The following CHD6 variants were observed in gnomAD, a reference collection of about 807,000 sequenced individuals.
The protein encoded by CHD6 is chromodomain helicase DNA binding protein 6.
Under a neutral mutation model 276.9 loss-of-function variants are expected in CHD6, and 50 were observed. That is an observed-to-expected ratio of 0.18 (90% confidence interval 0.14 to 0.23). The LOEUF is 0.23. CHD6 is among the 10% of genes least tolerant of loss of function. The pLI is 1.00. For synonymous variants in CHD6, 1,173 were observed against 1,229.3 expected, an observed-to-expected ratio of 0.95 and a Z score of 0.96; for missense variants, 2,564 against 3,365.8, an observed-to-expected ratio of 0.76 and a Z score of 5.89.
intron 5 of CHD6, among the ~76,000 whole-genome samples, chr20:41,508,460 C>T (rs556324379): frequency 6.5e-4 from 99 of 152,168 alleles, no homozygotes; most frequent in African/African-American, 2.0e-3. Context: ...TCCTGGTATC[C>T]GACTGGGGAG....
At chr20:41,595,773 G>T (rs375888939) in intron 1 of CHD6, among the ~76,000 whole-genome samples, 1 of 151,686 alleles carries the variant, frequency 6.6e-6, no homozygotes, top group African/African-American at 2.4e-5. Context: ...TTGGACCAAA[G>T]AACCCACCCT....
chr20:41,572,357 G>C lies in CHD6; in HGVS notation c.-23-20997C>G, dbSNP rs372367683. Among the ~76,000 whole-genome samples, 126 of 152,298 alleles carry C rather than the reference G, an allele frequency of 8.3e-4. 1 individual carries two copies. The highest frequency in any genetic ancestry group is 2.9e-3 in the African/African-American group (121 of 41,548). ...GCCTACCACATGCACAAAGCACAAA[G>C]CACATGGTCCCTCAGTGACACCAGG... On this transcript the variant is annotated intron_variant, in intron 1 of 36. Transcript: ENST00000373233.
intron 28 of CHD6, among the ~76,000 whole-genome samples, chr20:41,425,837 C>T (rs2047346003): frequency 6.6e-6 from 1 of 151,934 alleles, no homozygotes; most frequent in Non-Finnish European, 1.5e-5. Context: ...ATCACAATTC[C>T]TTTTTACCTC....
At chr20:41,614,664 A>C (rs1320131650) in intron 1 of CHD6, 1 of 152,246 alleles carries the variant, frequency 6.6e-6, no homozygotes, top group East Asian at 1.9e-4. Flanking sequence ...TTAGTTCAGA[A>C]ACAGGGACAA....
chr20:41,512,262 G>A (rs1458974654), intron 5 of CHD6, among the ~76,000 whole-genome samples: 4 of 151,824 alleles, frequency 2.6e-5, no homozygotes, highest in Non-Finnish European at 4.4e-5. Flanking sequence ...CACAATGCCC[G>A]GCCAAGACTT....
At chr20:41,611,338 A>G (rs1009653558) in intron 1 of CHD6, among the ~76,000 whole-genome samples, 4 of 152,214 alleles carry the variant, frequency 2.6e-5, no homozygotes, top group African/African-American at 9.7e-5. Context: ...CTGGCCATGT[A>G]TGGCTATTTA....
chr20:41,617,930 T>C (rs1003043167), intron 1 of CHD6, among the ~76,000 whole-genome samples: 1 of 140,488 alleles, frequency 7.1e-6, no homozygotes, highest in Non-Finnish European at 1.6e-5. Context: ...GGCCCGGGGG[T>C]CCCACCGCGC....
chr20:41,504,403 CTTT>C (rs200549678), intron 5 of CHD6, among the ~76,000 whole-genome samples: 2 of 109,968 alleles, frequency 1.8e-5, no homozygotes, highest in African/African-American at 3.5e-5. Context: ...CCTCTATTTT[CTTT>C]TTTTTTTTTT....
At chr20:41,605,957 A>G (rs1392434857) in intron 1 of CHD6, among the ~76,000 whole-genome samples, 2 of 152,258 alleles carry the variant, frequency 1.3e-5, no homozygotes, top group African/African-American at 2.4e-5. Flanking sequence ...TTCAAGGTAC[A>G]AAGAATGGGC....
rs2047168216 is a variant in CHD6 at position 41,420,923 on chromosome 20, C to G, written c.5712G>C (p.Lys1904Asn). ...TEPTTNISRE[K>N]NQGFQDETKK... Reference sequence around the variant, plus strand: ...TGGTTTCATCTTGGAAGCCTTGGTTCTTTTCCCTTGAGATGTTAGTAGTGG... The same window carrying G: ...TGGTTTCATCTTGGAAGCCTTGGTTGTTTTCCCTTGAGATGTTAGTAGTGG... The change falls in exon 31 of 37, where the codon AAG becomes AAC. Residue 1904 changes from lysine (K) to asparagine (N), a missense_variant. Lys to Asn is a moderately conservative substitution (Grantham distance 94). Coordinates refer to ENST00000373233, the MANE Select transcript of CHD6 (RefSeq NM_032221.5). 6.2e-7 allele frequency: 1 copy of G among 1,614,186 alleles called. No individual in the cohort carries two copies. The highest frequency in any genetic ancestry group is 8.5e-7 in the Non-Finnish European group (1 of 1,180,034).
At position 41,547,906 on chromosome 20, in the gene CHD6, T is replaced by C. The variant is rs577890396; in HGVS notation, c.33+3399A>G. ...ATGGATGGCATCAACAGTGTTGTGG[T>C]GGAATGCCCAACTAGTTAAGAAGCA... On this transcript the variant is annotated intron_variant, in intron 2 of 36. Transcript: ENST00000373233. The C allele has an allele frequency of 2.1e-5, 6 of 290,412 alleles. No homozygotes were observed. In the East Asian group the frequency reaches 3.3e-4, roughly 16 times the overall value. The allele number at this position is 290,412 out of a possible 1,614,324, so 18.0% of individuals were successfully genotyped here. A position where few individuals can be genotyped will look rare whatever the true frequency, so the allele number is the denominator to read the frequency against.
At position 41,452,139 on chromosome 20, in the gene CHD6, T is replaced by C; in HGVS notation, c.3324-114A>G. 1.2e-6 allele frequency: 1 copy of C among 802,600 alleles called. No homozygotes were observed. Among genetic ancestry groups the C allele is most frequent in the South Asian group, 1.6e-5 (1 of 62,488 alleles). 49.7% of individuals were successfully genotyped at this position (802,600 alleles called of 1,614,324 possible). ...ACATGCTTTTTGTTCTCTGTAGGTC[T>C]GTTAATCATCCCAAGGGCTTTGTCC... On this transcript the variant is annotated intron_variant, in intron 21 of 36. Transcript: ENST00000373233. The surrounding 1 kb of genome is among the most constrained non-coding windows in gnomAD (Gnocchi z 4.2).
intron 2 of CHD6, among the ~76,000 whole-genome samples, chr20:41,538,929 C>G (rs1004543243): frequency 2.0e-5 from 3 of 152,176 alleles, no homozygotes; most frequent in Non-Finnish European, 4.4e-5. Flanking sequence ...ACAACTGCCT[C>G]CTGGTGACCA....
At chr20:41,502,978 C>G (rs923247830) in intron 5 of CHD6, among the ~76,000 whole-genome samples, 14 of 152,174 alleles carry the variant, frequency 9.2e-5, no homozygotes, top group South Asian at 2.1e-4. Flanking sequence ...GCACTCCAGC[C>G]TGGGCGACAG....
chr20:41,510,135 C>A (rs1284778763), intron 5 of CHD6, among the ~76,000 whole-genome samples: 1 of 152,166 alleles, frequency 6.6e-6, no homozygotes, highest in South Asian at 2.1e-4. Context: ...ACCCAGAGGG[C>A]CCCGGGAGAA....
At chr20:41,548,651 A>C (rs1020058923) in intron 2 of CHD6, among the ~76,000 whole-genome samples, 72 of 152,296 alleles carry the variant, frequency 4.7e-4, no homozygotes, top group Middle Eastern at 3.4e-3. Context: ...AATGGGATCT[A>C]ATTAAACTAA....
chr20:41,418,443 G>A (rs1432951644), intron 31 of CHD6, among the ~76,000 whole-genome samples: 1 of 152,114 alleles, frequency 6.6e-6, no homozygotes, highest in Non-Finnish European at 1.5e-5. Flanking sequence ...GTGAGGGCCA[G>A]GAGGAAAGCA....
intron 1 of CHD6, among the ~76,000 whole-genome samples, chr20:41,612,001 GA>G (rs1228075841): frequency 1.3e-5 from 2 of 152,182 alleles, no homozygotes; most frequent in African/African-American, 4.8e-5. Flanking sequence ...GATTAGTGAA[GA>G]AGTAGTTTTT....
intron 8 of CHD6, among the ~76,000 whole-genome samples, chr20:41,494,348 C>T (rs2043625214): frequency 6.6e-6 from 1 of 152,154 alleles, no homozygotes; most frequent in Non-Finnish European, 1.5e-5. Context: ...TTCCTGGGTG[C>T]TGACAATGTT....
Sources: gnomAD v4.1 joint callset for allele counts (sites outside exome capture counted in the v4.1 genomes callset) on GRCh38, gnomAD v4.1.1 for gene constraint, Gnocchi (gnomAD v3.1) non-coding constraint, MANE v1.5 for transcripts, NCBI Gene and HGNC (gene_info 2026-07-23, HGNC 2026-07-21) for gene names.